The following FBXO36 variants were observed in gnomAD, a reference collection of about 807,000 sequenced individuals.
FBXO36 encodes F-box only protein 36.
In FBXO36, 18 loss-of-function variants were observed where a neutral mutation model predicts 17.0. That is an observed-to-expected ratio of 1.06 (90% CI 0.73 to 1.57). The LOEUF (loss-of-function observed/expected upper bound fraction) is 1.57. Among genes scored for constraint, FBXO36 ranks in the 40% most tolerant of loss-of-function variants. FBXO36 has a pLI of 0.00. For synonymous variants in FBXO36, 83 were observed against 85.3 expected, an observed-to-expected ratio of 0.97 and a Z score of 0.15; for missense variants, 229 against 221.9, an observed-to-expected ratio of 1.03 and a Z score of -0.20.
At chr2:229,982,437 C>G (rs564344003) in intron 2 of FBXO36, among the ~76,000 whole-genome samples, 2 of 152,196 alleles carry the variant, frequency 1.3e-5, no homozygotes, top group South Asian at 4.1e-4. Context: ...ACTCTCCTGC[C>G]TTCGTCTTTC....
At chr2:229,986,120 C>A (rs913943986) in intron 2 of FBXO36, among the ~76,000 whole-genome samples, 5 of 152,210 alleles carry the variant, frequency 3.3e-5, no homozygotes, top group African/African-American at 1.2e-4. Flanking sequence ...CCCTGTGTTT[C>A]TAGTTCCAGG....
intron 1 of FBXO36, among the ~76,000 whole-genome samples, chr2:229,934,100 C>T (rs942799519): frequency 2.0e-5 from 3 of 152,032 alleles, no homozygotes; most frequent in Non-Finnish European, 2.9e-5. Context: ...TTTCTCAGAG[C>T]CTTTCAAATC....
At chr2:229,935,712 G>T (rs1375870744) in intron 1 of FBXO36, among the ~76,000 whole-genome samples, 2 of 152,114 alleles carry the variant, frequency 1.3e-5, no homozygotes, top group African/African-American at 4.8e-5. Flanking sequence ...CCTTGGAATT[G>T]AAGGGTATCC....
chr2:230,008,259 C>T (rs2077397374), intron 3 of FBXO36, among the ~76,000 whole-genome samples: 1 of 152,206 alleles, frequency 6.6e-6, no homozygotes, highest in East Asian at 1.9e-4. Context: ...TCTCTCAGCC[C>T]TGGTTTTCCT....
intron 1 of FBXO36, 68 bp from the exon 2 acceptor site, chr2:229,976,173 C>A: frequency 7.8e-7 from 1 of 1,278,858 alleles, no homozygotes; most frequent in Non-Finnish European, 1.1e-6. Context: ...TTTTCAAAAC[C>A]CCAAACTTAA....
chr2:229,975,811 G>A (rs373079148), intron 1 of FBXO36, among the ~76,000 whole-genome samples: 2 of 98,080 alleles, frequency 2.0e-5, no homozygotes, highest in African/African-American at 3.8e-5. Flanking sequence ...TTTTTTTGGT[G>A]GGGGGGCGGG....
intron 3 of FBXO36, among the ~76,000 whole-genome samples, chr2:230,009,413 G>A (rs1360715107): frequency 1.3e-5 from 2 of 152,220 alleles, no homozygotes; most frequent in African/African-American, 4.8e-5. Context: ...TAGGATAACA[G>A]CCTTCAGCAG....
intron 1 of FBXO36, among the ~76,000 whole-genome samples, chr2:229,973,652 C>G (rs1017275318): frequency 6.7e-6 from 1 of 148,900 alleles, no homozygotes; most frequent in African/African-American, 2.5e-5. Flanking sequence ...ACCCGGGAGG[C>G]GGAGGGTGCA....
intron 2 of FBXO36, among the ~76,000 whole-genome samples, chr2:229,995,382 C>T (rs1560454143): frequency 4.0e-5 from 6 of 151,734 alleles, no homozygotes; most frequent in African/African-American, 1.5e-4. Flanking sequence ...GAACTATTTC[C>T]TAATTTGAAA....
At chr2:229,922,675 G>T (rs910750924) in intron 1 of FBXO36, 66 bp downstream of exon 1, 4 of 1,535,174 alleles carry the variant, frequency 2.6e-6, no homozygotes, top group Non-Finnish European at 3.6e-6. Context: ...GGCCCGGGAC[G>T]CAGGCTGTGC....
intron 1 of FBXO36, among the ~76,000 whole-genome samples, chr2:229,951,731 G>T (rs1378619841): frequency 6.6e-6 from 1 of 152,160 alleles, no homozygotes; most frequent in Non-Finnish European, 1.5e-5. Flanking sequence ...TGCTCTCTTG[G>T]GGCCTAGTGC....
At chr2:229,924,109 G>A (rs1273202650) in intron 1 of FBXO36, among the ~76,000 whole-genome samples, 3 of 148,464 alleles carry the variant, frequency 2.0e-5, no homozygotes, top group Admixed American at 6.7e-5. Flanking sequence ...TTTATTTATC[G>A]AGAGGGAGTC....
At chr2:229,985,462 A>G (rs1314119567) in intron 2 of FBXO36, among the ~76,000 whole-genome samples, 1 of 151,648 alleles carries the variant, frequency 6.6e-6, no homozygotes. Context: ...TTATTTTCTC[A>G]TTCCTAACTA....
chr2:230,006,105 G>GA (rs2077385829), intron 3 of FBXO36, among the ~76,000 whole-genome samples: 1 of 124,666 alleles, frequency 8.0e-6, no homozygotes, highest in Non-Finnish European at 1.7e-5. Context: ...TTTTATTTTA[G>GA]TTTTTTTTTT....
chr2:230,000,001 A>G (rs2077349941), intron 3 of FBXO36, among the ~76,000 whole-genome samples: 1 of 152,072 alleles, frequency 6.6e-6, no homozygotes, highest in Non-Finnish European at 1.5e-5. Context: ...GTACTATTGT[A>G]TATATTTTTG....
At chr2:230,003,694 G>A (rs1037172144) in intron 3 of FBXO36, among the ~76,000 whole-genome samples, 9 of 152,030 alleles carry the variant, frequency 5.9e-5, no homozygotes, top group Admixed American at 1.3e-4. Flanking sequence ...CACCACACCC[G>A]GCTAATTTTT....
Position 230,011,657 on chromosome 2 carries a change from C to T in FBXO36, c.*773C>T, listed in dbSNP as rs902945402. On this transcript the variant is annotated 3_prime_UTR_variant, in exon 4 of 4. Coordinates refer to ENST00000283946, the MANE Select transcript of FBXO36 (RefSeq NM_174899.5). ...AGAGGTGGAGTTTCGCCATGTAGGC[C>T]AGGCTGGTCTTGAACTCCTGACCTC... 1 of 139,756 alleles carries T rather than the reference C, an allele frequency of 7.2e-6. No individual in the cohort carries two copies. Among genetic ancestry groups the T allele is most frequent in the Admixed American group, 7.7e-5 (1 of 12,976 alleles). The allele number at this position is 139,756 out of a possible 1,614,324, so 8.7% of individuals were successfully genotyped here.
chr2:229,947,617 A>AT (rs2077034051), intron 1 of FBXO36, among the ~76,000 whole-genome samples: 1 of 152,216 alleles, frequency 6.6e-6, no homozygotes, highest in South Asian at 2.1e-4. Context: ...TTCTTATTAG[A>AT]TTTTGTCATG....
In FBXO36 at chr2:230,010,849, C is replaced by A. The variant is rs754707759; in HGVS notation, c.532C>A (p.Gln178Lys). The change falls in exon 4 of 4, where the codon CAA becomes AAA. Residue 178 changes from glutamine to lysine, a missense_variant. Physicochemically the swap from Gln to Lys is moderately conservative, Grantham distance 53. Coordinates refer to ENST00000283946, the MANE Select transcript of FBXO36 (RefSeq NM_174899.5). ...QLQRQLRKRK[Q>K]KYGNLREKQP ...CCAGCGGCAGCTCCGCAAGAGGAAA[C>A]AAAAATATGGAAACCTGAGAGAAAA... The A allele has an allele frequency of 1.8e-5, 29 of 1,612,914 alleles. No homozygotes were observed. The highest frequency in any genetic ancestry group is 2.4e-5 in the Non-Finnish European group (28 of 1,179,422).
Sources: allele counts gnomAD v4.1 joint callset (sites outside exome capture counted in the v4.1 genomes callset), GRCh38; gene constraint gnomAD v4.1.1; transcripts MANE v1.5; gene names NCBI Gene and HGNC (gene_info 2026-07-23, HGNC 2026-07-21).